The following PTPRG variants were observed in gnomAD, a reference collection of about 807,000 sequenced individuals.
PTPRG encodes the protein protein tyrosine phosphatase receptor type G.
In PTPRG, 102 loss-of-function variants were observed where a neutral mutation model predicts 165.3. The ratio of observed to expected loss-of-function variants is 0.62; its 90% confidence interval spans 0.53 to 0.73. The LOEUF (loss-of-function observed/expected upper bound fraction) is 0.73. Among genes scored for constraint, PTPRG ranks in the 30% least tolerant of loss-of-function variants. The pLI, the probability that PTPRG is intolerant of heterozygous loss-of-function variation, is 0.00. For missense variants in PTPRG, 1,866 were observed against 1,861.4 expected, an observed-to-expected ratio of 1.00 and a Z score of -0.05; for synonymous variants, 675 against 669.5, an observed-to-expected ratio of 1.01 and a Z score of -0.13.
chr3:62,046,671 T>A (rs1036926672), intron 4 of PTPRG, among the ~76,000 whole-genome samples: 2 of 152,140 alleles, frequency 1.3e-5, no homozygotes, highest in Non-Finnish European at 2.9e-5. Context: ...ATTTTTTTTT[T>A]AAATCAGACT....
chr3:61,611,354 G>T (rs1319099669), intron 1 of PTPRG, among the ~76,000 whole-genome samples: 3 of 151,940 alleles, frequency 2.0e-5, no homozygotes, highest in Admixed American at 2.0e-4. Context: ...TACACAAAGT[G>T]ACAAGCACAG....
At chr3:61,952,108 C>T (rs1459820799) in intron 2 of PTPRG, among the ~76,000 whole-genome samples, 1 of 127,700 alleles carries the variant, frequency 7.8e-6, no homozygotes. Context: ...CAGATCGACA[C>T]TCCACCTCAG....
chr3:61,879,576 A>G (rs2037831000), intron 2 of PTPRG, among the ~76,000 whole-genome samples: 1 of 152,160 alleles, frequency 6.6e-6, no homozygotes, highest in South Asian at 2.1e-4. Context: ...TGACAGGGAT[A>G]TGTTCTGACA....
Position 62,195,364 on chromosome 3 carries a change from G to C in PTPRG, c.1327+194G>C, listed in dbSNP as rs1261614908. Among the ~76,000 whole-genome samples, 1 of 152,156 alleles carries C rather than the reference G, an allele frequency of 6.6e-6. No individual in the cohort carries two copies. Among genetic ancestry groups the C allele is most frequent in the Non-Finnish European group, 1.5e-5 (1 of 68,022 alleles). On this transcript the variant is annotated intron_variant, in intron 10 of 29. Transcript: ENST00000474889. The surrounding 1 kb of genome is among the most constrained non-coding windows in gnomAD (Gnocchi z 4.4). ...GGTTGGAGGTTTTATCGGCAGAAGA[G>C]GGGAGAAAAAACAAAACATTTTTGA...
intron 15 of PTPRG, among the ~76,000 whole-genome samples, chr3:62,247,772 G>A (rs971482298): frequency 6.6e-6 from 1 of 152,132 alleles, no homozygotes; most frequent in Non-Finnish European, 1.5e-5. Flanking sequence ...TAAATAGCTT[G>A]TATCTTTAAA....
chr3:61,724,177 C>G (rs2032161813), intron 1 of PTPRG, among the ~76,000 whole-genome samples: 2 of 147,058 alleles, frequency 1.4e-5, no homozygotes, highest in African/African-American at 5.1e-5. Flanking sequence ...GATCATGCCA[C>G]TGTACTCCAG....
chr3:61,745,698 T>C (rs2033171903), intron 1 of PTPRG, among the ~76,000 whole-genome samples: 1 of 152,222 alleles, frequency 6.6e-6, no homozygotes, highest in South Asian at 2.1e-4. Flanking sequence ...GTTGCTCAAG[T>C]CCAATTCCTT....
chr3:61,840,796 T>G (rs2036608667), intron 2 of PTPRG, among the ~76,000 whole-genome samples: 1 of 147,820 alleles, frequency 6.8e-6, no homozygotes. Context: ...TTTTTTTTTT[T>G]TTTTTGAGAT....
chr3:62,061,904 A>G (rs200150419), intron 4 of PTPRG, among the ~76,000 whole-genome samples: 2 of 151,708 alleles, frequency 1.3e-5, no homozygotes, highest in East Asian at 4.0e-4. Context: ...TGTTAGGATT[A>G]CAGGCGTGAG....
At chr3:62,124,285 C>T (rs1028359950) in intron 5 of PTPRG, 18 of 1,563,382 alleles carry the variant, frequency 1.2e-5, no homozygotes, top group African/African-American at 4.1e-5. Context: ...TGCTGATGTC[C>T]GTGTTGAGGG....
intron 5 of PTPRG, among the ~76,000 whole-genome samples, chr3:62,094,547 C>G (rs1378704405): frequency 6.6e-6 from 1 of 152,172 alleles, no homozygotes; most frequent in African/African-American, 2.4e-5. Context: ...CAAGCTCATA[C>G]AAATTGGTTG....
intron 2 of PTPRG, among the ~76,000 whole-genome samples, chr3:61,985,795 C>T (rs573990770): frequency 5.9e-5 from 9 of 152,270 alleles, no homozygotes; most frequent in Middle Eastern, 3.4e-3. Flanking sequence ...GATGATGCTT[C>T]GCAGAAGGCA....
chr3:61,585,297 A>C (rs1575519195), intron 1 of PTPRG, among the ~76,000 whole-genome samples: 1 of 146,802 alleles, frequency 6.8e-6, no homozygotes, highest in African/African-American at 2.6e-5. Context: ...AAAAAAAAAA[A>C]AGAAAAAGGA....
intron 1 of PTPRG, among the ~76,000 whole-genome samples, chr3:61,703,641 T>G (rs2106715932): frequency 6.6e-6 from 1 of 152,312 alleles, no homozygotes. Flanking sequence ...GGCATAGGAT[T>G]GTATCAGTGA....
At chr3:61,577,331 C>G (rs1553637512) in intron 1 of PTPRG, among the ~76,000 whole-genome samples, 1 of 152,100 alleles carries the variant, frequency 6.6e-6, no homozygotes, top group Non-Finnish European at 1.5e-5. Context: ...TTTTCCACCT[C>G]AAGATTCCTT....
chr3:61,609,956 A>G (rs1309778901), intron 1 of PTPRG, among the ~76,000 whole-genome samples: 4 of 151,528 alleles, frequency 2.6e-5, no homozygotes, highest in South Asian at 2.1e-4. Context: ...CAGCCCTTCT[A>G]TTAATAATGC....
chr3:62,283,284 A>C (rs2148891486), intron 28 of PTPRG, among the ~76,000 whole-genome samples: 1 of 152,248 alleles, frequency 6.6e-6, no homozygotes, highest in Admixed American at 6.5e-5. Context: ...TTAGTTGATG[A>C]GTAGAGATAA....
chr3:61,642,077 C>T (rs758891251), intron 1 of PTPRG, among the ~76,000 whole-genome samples: 4 of 152,172 alleles, frequency 2.6e-5, no homozygotes, highest in Non-Finnish European at 4.4e-5. Context: ...GTTGCCCACT[C>T]GCCTGGATTG....
chr3:61,672,799 G>A, intron 1 of PTPRG, among the ~76,000 whole-genome samples: 2 of 143,850 alleles, frequency 1.4e-5, no homozygotes, highest in Admixed American at 6.8e-5. Context: ...GAGGGAGAGA[G>A]GGGGAGAGAG....
Sources: gnomAD v4.1 joint callset for allele counts (sites outside exome capture counted in the v4.1 genomes callset) on GRCh38, gnomAD v4.1.1 for gene constraint, Gnocchi (gnomAD v3.1) non-coding constraint, MANE v1.5 for transcripts, NCBI Gene and HGNC (gene_info 2026-07-23, HGNC 2026-07-21) for gene names.